Variants in ATP13A2 observed in about 807,000 individuals in gnomAD.
ATP13A2 encodes polyamine-transporting ATPase 13A2.
A neutral mutation model predicts 138.3 loss-of-function variants in ATP13A2; 83 were observed. The observed-to-expected ratio is 0.60, with a 90% confidence interval of 0.50 to 0.72. ATP13A2 has a LOEUF of 0.72. ATP13A2 is among the 30% of genes least tolerant of loss of function. The pLI, the probability that ATP13A2 is intolerant of heterozygous loss-of-function variation, is 0.00. For synonymous variants in ATP13A2, 663 were observed against 699.0 expected (o/e 0.95, Z 0.81); for missense variants, 1,402 against 1,606.4 (o/e 0.87, Z 2.17).
At chr1:16,991,683 G>T in intron 20 of ATP13A2, 51 bp downstream of exon 20, 1 of 1,613,532 alleles carries the variant, frequency 6.2e-7, no homozygotes, top group South Asian at 1.1e-5. Context: ...TTCTCTGCCA[G>T]GAAGGGGCGG....
At position 16,993,707 on chromosome 1, in the gene ATP13A2, G is replaced by T; in HGVS notation, c.1671C>A (p.Thr557=). ...CCTGGAGCCGGCTGAGGGCATGGCAGGTGGCCAGTGCTCGGAGCAGGGGCC... is the reference window on the plus strand; with the variant it reads ...CCTGGAGCCGGCTGAGGGCATGGCATGTGGCCAGTGCTCGGAGCAGGGGCC... ...PVGPLLRALA[T]CHALSRLQDT... The change falls in exon 16 of 29, where the codon ACC becomes ACA. Residue 557 remains threonine, a synonymous_variant. Transcript: ENST00000326735. 6.3e-7 allele frequency: 1 copy of T among 1,594,890 alleles called. No individual in the cohort carries two copies. The highest frequency in any genetic ancestry group is 8.5e-7 in the Non-Finnish European group (1 of 1,171,396).
intron 1 of ATP13A2, among the ~76,000 whole-genome samples, chr1:17,009,680 C>G (rs2077708074): frequency 6.6e-6 from 1 of 152,074 alleles, no homozygotes; most frequent in Non-Finnish European, 1.5e-5. Context: ...CAGGTGTGAG[C>G]CACCACACCC....
At chr1:17,008,327 G>T (rs886640385) in intron 1 of ATP13A2, among the ~76,000 whole-genome samples, 1 of 152,126 alleles carries the variant, frequency 6.6e-6, no homozygotes, top group African/African-American at 2.4e-5. Context: ...GTAGAGACAG[G>T]GTTTTGTCTT....
intron 11 of ATP13A2, among the ~76,000 whole-genome samples, chr1:16,998,291 A>G (rs551324000): frequency 2.0e-5 from 3 of 151,854 alleles, no homozygotes; most frequent in African/African-American, 4.8e-5. Context: ...TGCAACCTCC[A>G]CCTCCTAGGC....
chr1:17,002,451 C>A, intron 6 of ATP13A2, 78 bp from the exon 7 acceptor site: 1 of 1,509,812 alleles, frequency 6.6e-7, no homozygotes, highest in Non-Finnish European at 9.0e-7. Context: ...AGGCTGGAGA[C>A]TATGGGCTCT....
At chr1:17,000,763 G>A (rs2077324869) in intron 8 of ATP13A2, 3 of 574,676 alleles carry the variant, frequency 5.2e-6, no homozygotes, top group Admixed American at 3.1e-5. Context: ...GCAACATGGC[G>A]AAACCCCATA....
In ATP13A2 at chr1:16,995,695, C is replaced by G. The variant is rs2077093942; in HGVS notation, c.1542+281G>C. 2.0e-6 allele frequency: 1 copy of G among 501,120 alleles called. No homozygotes were observed. Among genetic ancestry groups the G allele is most frequent in the African/African-American group, 1.9e-5 (1 of 52,048 alleles). 31.0% of individuals were successfully genotyped at this position (501,120 alleles called of 1,614,324 possible). Reference sequence around the variant, plus strand: ...TCCTGACCTCAAGTGATGTATCTGCCTCAGCCTCCCAAAGTGCTGGGATTA... The same window carrying G: ...TCCTGACCTCAAGTGATGTATCTGCGTCAGCCTCCCAAAGTGCTGGGATTA... On this transcript the variant is annotated intron_variant, in intron 15 of 28. Coordinates refer to ENST00000326735, the MANE Select transcript of ATP13A2 (RefSeq NM_022089.4). This position sits in a 1 kb window ranked among gnomAD's most constrained non-coding sequence, Gnocchi z 4.1.
At chr1:17,005,211 C>T in intron 3 of ATP13A2, 139 bp from the exon 4 acceptor site, 1 of 1,459,946 alleles carries the variant, frequency 6.8e-7, no homozygotes, top group Middle Eastern at 1.8e-4. Flanking sequence ...CGACCCGTCC[C>T]TTCTGCCCAA....
At position 16,997,424 on chromosome 1, in the gene ATP13A2, T is replaced by G. The variant is rs112195933; in HGVS notation, c.1040-249A>C. 0.11 allele frequency among the ~76,000 whole-genome samples: 9,162 copies of G among 80,340 alleles called. 599 individuals are homozygous for G. Among genetic ancestry groups the G allele is most frequent in the African/African-American group, 0.19 (3,290 of 17,666 alleles). The allele number at this position is 80,340 out of a possible 152,430, so 52.7% of individuals were successfully genotyped here. On this transcript the variant is annotated intron_variant, in intron 11 of 28. Coordinates refer to ENST00000326735, the MANE Select transcript of ATP13A2 (RefSeq NM_022089.4). ...GCTCCCTGGAACCAGCGGGGGGGGGTGGGTCAGACAGAGCATGTGTGGGCA... is the reference window on the plus strand; with the variant it reads ...GCTCCCTGGAACCAGCGGGGGGGGGGGGGTCAGACAGAGCATGTGTGGGCA...
intron 1 of ATP13A2, among the ~76,000 whole-genome samples, chr1:17,006,254 C>CT (rs57121858): frequency 0.49 from 69,757 of 142,916 alleles, 17,702 homozygotes; most frequent in East Asian, 0.71. Context: ...CTTACCGTAT[C>CT]TTTTTTTTTT....
chr1:17,006,402 C>T (rs1157599607), intron 1 of ATP13A2, among the ~76,000 whole-genome samples: 1 of 151,542 alleles, frequency 6.6e-6, no homozygotes, highest in Non-Finnish European at 1.5e-5. Flanking sequence ...AGGCATGCAC[C>T]ACCATGCCCA....
chr1:16,989,821 G>A (rs535209471), intron 22 of ATP13A2, 51 bp from the exon 23 acceptor site: 10 of 1,611,488 alleles, frequency 6.2e-6, no homozygotes, highest in East Asian at 4.5e-5. Context: ...CAGGGAGAGC[G>A]AGCCGTGAGG....
At chr1:17,002,470 C>A (rs1443114123) in intron 6 of ATP13A2, 97 bp from the exon 7 acceptor site, 12 of 1,393,292 alleles carry the variant, frequency 8.6e-6, no homozygotes, top group Non-Finnish European at 1.2e-5. Flanking sequence ...CTAGGCCCCC[C>A]ATCCCCGTTC....
chr1:17,005,558 T>C lies in ATP13A2; in HGVS notation c.106-2A>G. On this transcript the variant is annotated splice_acceptor_variant, in intron 2 of 28. Transcript: ENST00000326735. LOFTEE classifies it high-confidence loss of function. Reference sequence around the variant, plus strand: ...ACTGCCACAGTAGCCGCTGAGCCTCTGCGAACGCAGCGAGAGAGGGCCCAG... The same window carrying C: ...ACTGCCACAGTAGCCGCTGAGCCTCCGCGAACGCAGCGAGAGAGGGCCCAG... 6.2e-7 allele frequency: 1 copy of C among 1,614,184 alleles called. No individual in the cohort carries two copies. Among genetic ancestry groups the C allele is most frequent in the Non-Finnish European group, 8.5e-7 (1 of 1,180,034 alleles).
chr1:16,997,414 C>CGGA (rs1424418496), intron 11 of ATP13A2, among the ~76,000 whole-genome samples: 1 of 56,642 alleles, frequency 1.8e-5, no homozygotes, highest in South Asian at 5.8e-4. Flanking sequence ...CTGGAACCAG[C>CGGA]GGGGGGGGGT....
Position 16,992,240 on chromosome 1 carries a change from C to A in ATP13A2, c.2005+3G>T. 6.2e-7 allele frequency: 1 copy of A among 1,612,734 alleles called. No homozygotes were observed. The highest frequency in any genetic ancestry group is 8.5e-7 in the Non-Finnish European group (1 of 1,179,946). On this transcript the variant is annotated splice_donor_region_variant and intron_variant, in intron 18 of 28. Transcript: ENST00000326735. ...AGGGGGACTCAGGGGCTTCCCCCTG[C>A]ACCTGTCTCGGGGTTGCAGAGCCCT... is the stretch of plus-strand genomic sequence containing the variant.
chr1:16,989,841 G>A, intron 22 of ATP13A2, 46 bp downstream of exon 22: 2 of 1,611,202 alleles, frequency 1.2e-6, no homozygotes, highest in Non-Finnish European at 1.7e-6. Context: ...GAAGGAGACA[G>A]AGCAGGGGAG....
Position 17,004,505 on chromosome 1 carries a change from C to T in ATP13A2, c.478-94G>A. 6.5e-7 allele frequency: 1 copy of T among 1,541,304 alleles called. No individual in the cohort carries two copies. The highest frequency in any genetic ancestry group is 8.9e-7 in the Non-Finnish European group (1 of 1,124,940). ...GGAGCCGAGGGATGGGGGTAGGGGG[C>T]AGGGACTGGTGTCACCAGACAGAGA... On this transcript the variant is annotated intron_variant, in intron 5 of 28. Transcript: ENST00000326735. The surrounding 1 kb of genome is among the most constrained non-coding windows in gnomAD (Gnocchi z 4.1).
At chr1:16,996,210 T>C in intron 14 of ATP13A2, 44 bp downstream of exon 14, 1 of 1,614,120 alleles carries the variant, frequency 6.2e-7, no homozygotes, top group South Asian at 1.1e-5. Context: ...GGTTGGCCCC[T>C]GGGCCCTGCT....
Sources: allele counts gnomAD v4.1 joint callset (sites outside exome capture counted in the v4.1 genomes callset), GRCh38; gene constraint gnomAD v4.1.1; non-coding constraint Gnocchi (gnomAD v3.1); transcripts MANE v1.5; gene names NCBI Gene and HGNC (gene_info 2026-07-23, HGNC 2026-07-21).